MAP4K3: variants seen among roughly 807,000 people sequenced by gnomAD.
MAP4K3 encodes mitogen-activated protein kinase kinase kinase kinase 3, also known as MAPK/ERK kinase kinase kinase 3.
MAP4K3 carries 94 observed loss-of-function variants against 143.5 expected under a neutral mutation model. That is an observed-to-expected ratio of 0.65 (90% CI 0.55 to 0.78). The LOEUF (loss-of-function observed/expected upper bound fraction) is 0.78, where lower values mean the gene tolerates loss of function less well. Among genes scored for constraint, MAP4K3 ranks in the 30% least tolerant of loss-of-function variants. The probability of loss-of-function intolerance (pLI) is 0.00; values close to 1 mark genes in which losing one functional copy is unlikely to be tolerated. For synonymous variants in MAP4K3, 416 were observed against 347.2 expected (o/e 1.20, Z -2.20); for missense variants, 1,077 against 1,068.1 (o/e 1.01, Z -0.12).
At chr2:39,332,777 A>G (rs1473981355) in intron 7 of MAP4K3, among the ~76,000 whole-genome samples, 1 of 152,022 alleles carries the variant, frequency 6.6e-6, no homozygotes, top group Middle Eastern at 3.2e-3. Flanking sequence ...AATTTTTATT[A>G]TATGTTAATT....
Position 39,422,532 on chromosome 2 carries a change from T to C in MAP4K3, c.96+14360A>G, listed in dbSNP as rs371050628. Among the ~76,000 whole-genome samples, 4 of 152,090 alleles carry C rather than the reference T, an allele frequency of 2.6e-5. No homozygotes were observed. In the East Asian group the frequency reaches 7.7e-4, roughly 29 times the overall value. ...CAGAACTGAGAAAATAAATTTCCACTGTATAAGCCACCTAGTCTGTGGTAC... is the reference window on the plus strand; with the variant it reads ...CAGAACTGAGAAAATAAATTTCCACCGTATAAGCCACCTAGTCTGTGGTAC... On this transcript the variant is annotated intron_variant, in intron 1 of 33. Coordinates refer to ENST00000263881, the MANE Select transcript of MAP4K3 (RefSeq NM_003618.4).
At chr2:39,309,352 T>G in intron 14 of MAP4K3, 109 bp downstream of exon 14, 1 of 800,412 alleles carries the variant, frequency 1.2e-6, no homozygotes, top group Non-Finnish European at 2.0e-6. Context: ...ACCTCGAATG[T>G]TTTTGAAAAT....
At chr2:39,306,756 C>T (rs1165406590) in intron 15 of MAP4K3, among the ~76,000 whole-genome samples, 1 of 152,170 alleles carries the variant, frequency 6.6e-6, no homozygotes, top group Non-Finnish European at 1.5e-5. Flanking sequence ...AGCATCTGGT[C>T]CCTTTTCTTC....
At position 39,267,232 on chromosome 2, in the gene MAP4K3, T is replaced by C; in HGVS notation, c.1989A>G (p.Ser663=). ...ACCATTTGGTTTCAGGGATTTTTGC[T>C]GATACAGAAAATTTCCTAAATGTAA... ...DRILPRKFSV[S]AKIPETKWCQ... is the part of the protein sequence containing the mutation. Residue 663 remains serine (S), a synonymous_variant, in exon 27 of 34, where the codon TCA becomes TCG. Coordinates refer to ENST00000263881, the MANE Select transcript of MAP4K3 (RefSeq NM_003618.4). The C allele has an allele frequency of 6.2e-7, 1 of 1,613,978 alleles. No individual in the cohort carries two copies. The highest frequency in any genetic ancestry group is 8.5e-7 in the Non-Finnish European group (1 of 1,179,898).
In MAP4K3 at chr2:39,350,858, A is replaced by T. The variant is rs1665436442; in HGVS notation, c.245+5391T>A. Among the ~76,000 whole-genome samples, 3 of 152,088 alleles carry T rather than the reference A, an allele frequency of 2.0e-5. 1 individual carries two copies. The South Asian group carries it at 6.2e-4, about 32-fold the overall frequency. ...TATCTCCACAACCTTATCTACTCCA[A>T]CTACACGTGGCCCTCTGGAGGCCAC... On this transcript the variant is annotated intron_variant, in intron 3 of 33. Transcript: ENST00000263881.
chr2:39,264,210 A>T (rs1680682649), intron 28 of MAP4K3, among the ~76,000 whole-genome samples: 1 of 152,226 alleles, frequency 6.6e-6, no homozygotes, highest in Non-Finnish European at 1.5e-5. Flanking sequence ...AGCTGAGAAC[A>T]AAACAATGTT....
At chr2:39,346,280 A>G (rs1665290079) in intron 3 of MAP4K3, among the ~76,000 whole-genome samples, 1 of 152,230 alleles carries the variant, frequency 6.6e-6, no homozygotes, top group African/African-American at 2.4e-5. Context: ...TTAAACTGCT[A>G]GTTTACTGTT....
chr2:39,429,271 T>A (rs888888511), intron 1 of MAP4K3, among the ~76,000 whole-genome samples: 23 of 152,116 alleles, frequency 1.5e-4, no homozygotes, highest in Non-Finnish European at 1.3e-4. Context: ...AAGCCAGGGA[T>A]AACATTAATT....
At chr2:39,400,087 A>C (rs2148606330) in intron 1 of MAP4K3, among the ~76,000 whole-genome samples, 1 of 152,056 alleles carries the variant, frequency 6.6e-6, no homozygotes, top group East Asian at 1.9e-4. Flanking sequence ...CCCCCCAAAA[A>C]CCCTGCTATA....
intron 1 of MAP4K3, among the ~76,000 whole-genome samples, chr2:39,431,103 T>A (rs1012529983): frequency 3.9e-5 from 6 of 152,218 alleles, no homozygotes; most frequent in African/African-American, 1.4e-4. Flanking sequence ...AGAGACAGGC[T>A]ATAAACAAAT....
intron 16 of MAP4K3, among the ~76,000 whole-genome samples, chr2:39,294,814 C>T (rs1468325035): frequency 2.0e-5 from 3 of 152,128 alleles, no homozygotes; most frequent in Non-Finnish European, 4.4e-5. Flanking sequence ...TAGCAGTTCT[C>T]AAATTGTGGT....
intron 2 of MAP4K3, among the ~76,000 whole-genome samples, chr2:39,365,449 T>TG (rs1665895187): frequency 1.4e-5 from 2 of 145,334 alleles, no homozygotes; most frequent in East Asian, 4.0e-4. Flanking sequence ...TTTTTTTTTT[T>TG]TTTTTTGAGA....
At chr2:39,385,566 A>ATG (rs1666478602) in intron 1 of MAP4K3, among the ~76,000 whole-genome samples, 1 of 20,608 alleles carries the variant, frequency 4.9e-5, no homozygotes, top group African/African-American at 7.7e-5. Flanking sequence ...ATATATATAT[A>ATG]TATATATATA....
chr2:39,251,800 C>A, intron 33 of MAP4K3, 30 bp downstream of exon 33: 4 of 1,573,822 alleles, frequency 2.5e-6, no homozygotes, highest in Non-Finnish European at 3.5e-6. Flanking sequence ...ACGTTTAGTA[C>A]TGTGTATTTA....
intron 3 of MAP4K3, among the ~76,000 whole-genome samples, chr2:39,350,855 C>G (rs1251262582): frequency 6.6e-6 from 1 of 152,140 alleles, no homozygotes; most frequent in Non-Finnish European, 1.5e-5. Flanking sequence ...CTTATCTACT[C>G]CAACTACACG....
intron 31 of MAP4K3, among the ~76,000 whole-genome samples, chr2:39,255,321 G>A (rs1335788115): frequency 6.6e-6 from 1 of 152,124 alleles, no homozygotes; most frequent in African/African-American, 2.4e-5. Flanking sequence ...CTGAAGCACA[G>A]GGCATAAACA....
At chr2:39,402,813 A>C (rs549117299) in intron 1 of MAP4K3, among the ~76,000 whole-genome samples, 9 of 151,974 alleles carry the variant, frequency 5.9e-5, no homozygotes, top group Non-Finnish European at 1.3e-4. Flanking sequence ...AGAAAAAAGA[A>C]AGAAAAAAAA....
intron 21 of MAP4K3, among the ~76,000 whole-genome samples, chr2:39,284,937 C>T (rs1681703561): frequency 6.6e-6 from 1 of 151,866 alleles, no homozygotes; most frequent in Admixed American, 6.6e-5. Flanking sequence ...GTCACCCAGG[C>T]TGGAGTGCAG....
chr2:39,305,830 ATTT>A (rs1227094657), intron 15 of MAP4K3, among the ~76,000 whole-genome samples: 1 of 144,686 alleles, frequency 6.9e-6, no homozygotes. Flanking sequence ...AGTATTTGTA[ATTT>A]TTTTTTTTTT....
Sources: gnomAD v4.1 joint callset for allele counts (sites outside exome capture counted in the v4.1 genomes callset) on GRCh38, gnomAD v4.1.1 for gene constraint, MANE v1.5 for transcripts, NCBI Gene and HGNC (gene_info 2026-07-23, HGNC 2026-07-21) for gene names.